Variants in EIF5B observed in about 807,000 individuals in gnomAD.
The protein encoded by EIF5B is eIF-5B.
In EIF5B, 47 loss-of-function variants were observed where a neutral mutation model predicts 147.5. That is an observed-to-expected ratio of 0.32 (90% CI 0.25 to 0.41). The LOEUF (loss-of-function observed/expected upper bound fraction) is 0.41. EIF5B is among the 10% of genes least tolerant of loss of function. The pLI is 1.00. For missense variants in EIF5B, 1,064 were observed against 1,413.2 expected (o/e 0.75, Z 3.96); for synonymous variants, 455 against 456.2 (o/e 1.00, Z 0.03).
intron 17 of EIF5B, among the ~76,000 whole-genome samples, chr2:99,391,845 C>T (rs1674943644): frequency 6.6e-6 from 1 of 151,452 alleles, no homozygotes; most frequent in Non-Finnish European, 1.5e-5. Context: ...GATCCTCCCA[C>T]CTCAGCCTCC....
chr2:99,363,676 T>A lies in EIF5B; in HGVS notation c.951T>A (p.Asp317Glu). ...ATGAAGGAGACAAAAAGAAGAAAGA[T>A]AAGAAGAAAAAGAAAGGAGAAAAGG... The part of the protein sequence containing the change: ...DDNEGDKKKK[D>E]KKKKKGEKEE... The change falls in exon 5 of 24, where the codon GAT (aspartate) becomes GAA (glutamate). Residue 317 changes from aspartate (D) to glutamate (E), a missense_variant. Physicochemically the swap from Asp to Glu is conservative, Grantham distance 45. Around this residue, in one of 4 missense-constraint regions of EIF5B, gnomAD observed 458 missense variants for 451.3 expected, o/e 1.01. Coordinates refer to ENST00000289371, the MANE Select transcript of EIF5B (RefSeq NM_015904.4). The A allele has an allele frequency of 6.3e-7, 1 of 1,582,610 alleles. No homozygotes were observed. Among genetic ancestry groups the A allele is most frequent in the South Asian group, 1.2e-5 (1 of 83,940 alleles).
At position 99,399,397 on chromosome 2, in the gene EIF5B, G is replaced by A. The variant is rs768148016; in HGVS notation, c.3646G>A (p.Val1216Ile). The A allele has an allele frequency of 1.9e-6, 3 of 1,614,064 alleles. No individual in the cohort carries two copies. Among genetic ancestry groups the A allele is most frequent in the Non-Finnish European group, 2.5e-6 (3 of 1,179,996 alleles). Residue 1216 changes from valine to isoleucine, a missense_variant, in exon 24 of 24, where the codon GTA (valine) becomes ATA (isoleucine). Physicochemically the swap from Val to Ile is conservative, Grantham distance 29. Transcript: ENST00000289371. ...GCAGCTTATTGTGGAGCTGAAGAAA[G>A]TATTTGAAATCATCTAATTTTTTCA... ...DWQLIVELKK[V>I]FEII is the part of the protein sequence containing the mutation.
At chr2:99,379,701 C>G (rs1674650200) in intron 12 of EIF5B, among the ~76,000 whole-genome samples, 1 of 152,164 alleles carries the variant, frequency 6.6e-6, no homozygotes, top group South Asian at 2.1e-4. Flanking sequence ...CATGCTTTAA[C>G]ACTGATACCA....
chr2:99,356,557 A>C (rs936427312), intron 1 of EIF5B, among the ~76,000 whole-genome samples: 1 of 152,072 alleles, frequency 6.6e-6, no homozygotes, highest in African/African-American at 2.4e-5. Context: ...TGTTGCTCCC[A>C]TTGCCCATTG....
rs367746912 is a variant in EIF5B at position 99,362,275 on chromosome 2, T to C, written c.919+455T>C. 2.7e-4 allele frequency among the ~76,000 whole-genome samples: 41 copies of C among 152,216 alleles called. 1 individual carries two copies. The highest frequency in any genetic ancestry group is 1.5e-3 in the East Asian group (8 of 5,206). On this transcript the variant is annotated intron_variant, in intron 4 of 23. Coordinates refer to ENST00000289371, the MANE Select transcript of EIF5B (RefSeq NM_015904.4). Reference sequence around the variant, plus strand: ...TTAAAACTCAACATGCTAAAATTAGTGTCTTTTAAGCAATAATGAGCCATT... The same window carrying C: ...TTAAAACTCAACATGCTAAAATTAGCGTCTTTTAAGCAATAATGAGCCATT...
intron 17 of EIF5B, among the ~76,000 whole-genome samples, chr2:99,392,368 A>G (rs955525434): frequency 3.9e-5 from 6 of 152,124 alleles, no homozygotes; most frequent in African/African-American, 1.4e-4. Flanking sequence ...GTTACTAATA[A>G]TGCTGCTGCT....
chr2:99,392,064 TTTTAAGA>T (rs1287823585), intron 17 of EIF5B, among the ~76,000 whole-genome samples: 1 of 152,132 alleles, frequency 6.6e-6, no homozygotes, highest in Non-Finnish European at 1.5e-5. Flanking sequence ...AAGTATATAA[TTTTAAGA>T]TTTCTATTCC....
In EIF5B at chr2:99,399,333, C is replaced by G. The variant is rs1309936865; in HGVS notation, c.3582C>G (p.Leu1194=). 1.1e-5 allele frequency: 18 copies of G among 1,614,068 alleles called. No individual in the cohort carries two copies. Among genetic ancestry groups the G allele is most frequent in the Non-Finnish European group, 1.5e-5 (18 of 1,180,026 alleles). Residue 1194 remains leucine (L), a synonymous_variant, in exon 24 of 24, where the codon CTC becomes CTG. Transcript: ENST00000289371. ...SKISRQSIDA[L]KDWFRDEMQK... is the part of the protein sequence containing the mutation. ...TCAGCCGGCAGTCCATTGATGCACT[C>G]AAAGACTGGTTCAGAGATGAAATGC...
Position 99,394,410 on chromosome 2 carries a change from C to A in EIF5B, c.3012+12C>A. On this transcript the variant is annotated intron_variant, in intron 19 of 23. Coordinates refer to ENST00000289371, the MANE Select transcript of EIF5B (RefSeq NM_015904.4). ...CATCAGAAGTGCCCGTAAGTAACTA[C>A]AACTCGCTCCACAAGTGAATGGTGG... 2 of 1,613,682 alleles carry A rather than the reference C, an allele frequency of 1.2e-6. No homozygotes were observed. The highest frequency in any genetic ancestry group is 1.3e-5 in the African/African-American group (1 of 74,972).
intron 23 of EIF5B, 137 bp downstream of exon 23, chr2:99,399,046 T>G (rs1675135038): frequency 9.5e-7 from 1 of 1,058,148 alleles, no homozygotes; most frequent in Non-Finnish European, 1.3e-6. Flanking sequence ...GGGCTTGACC[T>G]CTAGCTGGGC....
chr2:99,346,028 T>C (rs1413310820), intron 1 of EIF5B, among the ~76,000 whole-genome samples: 1 of 151,434 alleles, frequency 6.6e-6, no homozygotes, highest in Non-Finnish European at 1.5e-5. Flanking sequence ...ACATAGCAAA[T>C]AGGCATATGC....
rs1559248426 is a variant in EIF5B, at chr2:99,361,329, T to G, written c.428T>G (p.Phe143Cys). ...TCTGGGAGTGATGATGATGATGATT[T>G]TAACAAACTTCCTAAAAAAGCTAAA... ...MYSGSDDDDDFNKLPKKAKGK... is the reference protein window; with the variant it reads ...MYSGSDDDDDCNKLPKKAKGK... The change falls in exon 4 of 24, where the codon TTT (phenylalanine) becomes TGT (cysteine). Residue 143 changes from phenylalanine to cysteine, a missense_variant. By Grantham distance (205) the Phe-to-Cys change is radical. Around this residue, in one of 4 missense-constraint regions of EIF5B, gnomAD observed 458 missense variants for 451.3 expected, o/e 1.01. Transcript: ENST00000289371. 1 of 1,609,772 alleles carries G rather than the reference T, an allele frequency of 6.2e-7. No individual in the cohort carries two copies. Among genetic ancestry groups the G allele is most frequent in the Non-Finnish European group, 8.5e-7 (1 of 1,178,938 alleles).
At chr2:99,358,532 AGATCTGGTACACAATCACC>A (rs1674141477) in intron 1 of EIF5B, among the ~76,000 whole-genome samples, 1 of 152,254 alleles carries the variant, frequency 6.6e-6, no homozygotes, top group African/African-American at 2.4e-5. Flanking sequence ...GACAGTGTTC[AGATCTGGTACACAATCACC>A]TGGAAATATT....
chr2:99,388,695 T>C (rs1250546895), intron 14 of EIF5B, among the ~76,000 whole-genome samples: 2 of 152,216 alleles, frequency 1.3e-5, no homozygotes, highest in Non-Finnish European at 2.9e-5. Flanking sequence ...GTTATCCTTT[T>C]GATATATTGC....
rs76555406 is a variant in EIF5B at position 99,346,140 on chromosome 2, T to G, written c.35+8551T>G. On this transcript the variant is annotated intron_variant, in intron 1 of 23. Coordinates refer to ENST00000289371, the MANE Select transcript of EIF5B (RefSeq NM_015904.4). The stretch of plus-strand genomic sequence containing the variant: ...TCTTAAAGTTATTGTTTATGCATCT[T>G]TAAAATCCTTTTCTAATTAAGTTTG... 9.6e-3 allele frequency among the ~76,000 whole-genome samples: 1,462 copies of G among 152,294 alleles called. 19 individuals carry two copies. Among genetic ancestry groups the G allele is most frequent in the African/African-American group, 0.032 (1,340 of 41,548 alleles).
chr2:99,341,074 T>C, intron 1 of EIF5B, among the ~76,000 whole-genome samples: 1 of 152,220 alleles, frequency 6.6e-6, no homozygotes, highest in East Asian at 1.9e-4. Context: ...CCAGTTTGTG[T>C]AATTCTAAGA....
At chr2:99,382,728 AG>A in intron 13 of EIF5B, 51 bp from the exon 14 acceptor site, 1 of 1,506,810 alleles carries the variant, frequency 6.6e-7, no homozygotes. Context: ...GTTTAAGAAA[AG>A]TATTAATTTC....
chr2:99,341,183 A>G (rs563512329), intron 1 of EIF5B, among the ~76,000 whole-genome samples: 2 of 152,358 alleles, frequency 1.3e-5, no homozygotes, highest in South Asian at 4.1e-4. Context: ...CAATATCCAC[A>G]TATCAAACAA....
At chr2:99,374,925 A>G (rs1674531524) in intron 9 of EIF5B, among the ~76,000 whole-genome samples, 1 of 151,454 alleles carries the variant, frequency 6.6e-6, no homozygotes, top group African/African-American at 2.4e-5. Context: ...TCTGTGGTTC[A>G]TTCTGGATTG....
Sources: gnomAD v4.1 joint callset for allele counts (sites outside exome capture counted in the v4.1 genomes callset) on GRCh38, gnomAD v4.1.1 for gene constraint, gnomAD v4.1.1 regional missense constraint, MANE v1.5 for transcripts, NCBI Gene and HGNC (gene_info 2026-07-23, HGNC 2026-07-21) for gene names.